Variants in SETBP1 observed in about 807,000 individuals in gnomAD.
SETBP1 encodes the protein SET-binding protein.
Under a neutral mutation model 101.0 loss-of-function variants are expected in SETBP1, and 9 were observed. That is an observed-to-expected ratio of 0.09 (90% CI 0.05 to 0.16). The LOEUF (loss-of-function observed/expected upper bound fraction) is 0.16, where lower values mean the gene tolerates loss of function less well. Ranked by LOEUF, SETBP1 falls within the 10% of genes least tolerant of loss-of-function variation. The probability of loss-of-function intolerance (pLI) is 1.00; values close to 1 mark genes in which losing one functional copy is unlikely to be tolerated. For synonymous variants in SETBP1, 818 were observed against 788.5 expected, an observed-to-expected ratio of 1.04 and a Z score of -0.63; for missense variants, 1,858 against 2,033.8, an observed-to-expected ratio of 0.91 and a Z score of 1.66.
intron 2 of SETBP1, among the ~76,000 whole-genome samples, chr18:44,863,674 T>A (rs1031721767): frequency 4.6e-5 from 7 of 152,186 alleles, no homozygotes; most frequent in African/African-American, 1.7e-4. Context: ...GGAGGCTTAC[T>A]TAACAAAAGG....
intron 2 of SETBP1, among the ~76,000 whole-genome samples, chr18:44,755,406 C>A (rs925825313): frequency 6.6e-6 from 1 of 151,884 alleles, no homozygotes; most frequent in Non-Finnish European, 1.5e-5. Context: ...TAGCTGGGAG[C>A]GGGCTAGGAC....
chr18:44,792,437 G>C (rs887115442), intron 2 of SETBP1, among the ~76,000 whole-genome samples: 4 of 152,210 alleles, frequency 2.6e-5, no homozygotes, highest in African/African-American at 9.6e-5. Flanking sequence ...AATGAAGTCA[G>C]AGCCGTGCCT....
At chr18:44,853,993 T>C (rs891339791) in intron 2 of SETBP1, among the ~76,000 whole-genome samples, 1 of 152,188 alleles carries the variant, frequency 6.6e-6, no homozygotes, top group African/African-American at 2.4e-5. Context: ...CATTAATTCT[T>C]TTGTCCTACC....
intron 2 of SETBP1, among the ~76,000 whole-genome samples, chr18:44,845,432 C>A (rs1303856809): frequency 6.6e-6 from 1 of 152,202 alleles, no homozygotes; most frequent in Non-Finnish European, 1.5e-5. Context: ...TACATGGTGC[C>A]AGAGAGCTGA....
chr18:44,711,494 T>C (rs2069342273), intron 2 of SETBP1, among the ~76,000 whole-genome samples: 1 of 142,756 alleles, frequency 7.0e-6, no homozygotes, highest in African/African-American at 2.6e-5. Flanking sequence ...CCTCCCTCCT[T>C]CCCTCTCTCC....
chr18:45,009,784 T>G (rs767847181), intron 4 of SETBP1, among the ~76,000 whole-genome samples: 9 of 152,192 alleles, frequency 5.9e-5, no homozygotes, highest in Non-Finnish European at 1.0e-4. Context: ...CCTGCATTGT[T>G]GCATACCATG....
chr18:44,701,046 G>C, intron 1 of SETBP1, 129 bp from the exon 2 acceptor site: 1 of 287,498 alleles, frequency 3.5e-6, no homozygotes, highest in Non-Finnish European at 6.5e-6. Flanking sequence ...ATTCTGGTTA[G>C]CTGTTTTTCC....
chr18:44,835,621 A>G (rs1030368272), intron 2 of SETBP1, among the ~76,000 whole-genome samples: 2 of 152,176 alleles, frequency 1.3e-5, no homozygotes, highest in Non-Finnish European at 2.9e-5. Context: ...ACGTCTAAGA[A>G]TCTCATTTTA....
intron 4 of SETBP1, among the ~76,000 whole-genome samples, chr18:44,982,957 G>A (rs1204400174): frequency 1.3e-5 from 2 of 152,146 alleles, no homozygotes; most frequent in Non-Finnish European, 2.9e-5. Flanking sequence ...ACAAGGTCAT[G>A]GGATGCTTAA....
chr18:44,880,970 A>G (rs1411392147), intron 3 of SETBP1, among the ~76,000 whole-genome samples: 5 of 152,230 alleles, frequency 3.3e-5, no homozygotes, highest in Admixed American at 1.3e-4. Flanking sequence ...ATGCTCAATC[A>G]ATATTTGTGG....
chr18:45,015,504 C>G (rs979273658), intron 4 of SETBP1, among the ~76,000 whole-genome samples: 1 of 152,320 alleles, frequency 6.6e-6, no homozygotes, highest in East Asian at 1.9e-4. Flanking sequence ...AACAGACATG[C>G]ACCTGCCTTT....
chr18:44,963,502 T>G (rs1313956658), intron 4 of SETBP1, among the ~76,000 whole-genome samples: 1 of 152,172 alleles, frequency 6.6e-6, no homozygotes, highest in Non-Finnish European at 1.5e-5. Flanking sequence ...TACAAAACAC[T>G]AAAACTAACA....
At chr18:45,013,434 CT>C (rs1555645153) in intron 4 of SETBP1, among the ~76,000 whole-genome samples, 3 of 150,398 alleles carry the variant, frequency 2.0e-5, no homozygotes, top group African/African-American at 7.4e-5. Context: ...TTCTTTCTTT[CT>C]TTTTTTTTGT....
intron 4 of SETBP1, among the ~76,000 whole-genome samples, chr18:45,009,510 T>C (rs2072795062): frequency 6.6e-6 from 1 of 152,008 alleles, no homozygotes; most frequent in Admixed American, 6.6e-5. Context: ...GGGATTTTTT[T>C]TCACTTTTGT....
chr18:45,038,746 G>A, intron 5 of SETBP1, 91 bp downstream of exon 5: 2 of 1,407,864 alleles, frequency 1.4e-6, no homozygotes, highest in African/African-American at 1.4e-5. Flanking sequence ...ACAGGTAAGA[G>A]TTCTCTGTTT....
At chr18:44,774,723 C>A (rs530056974) in intron 2 of SETBP1, among the ~76,000 whole-genome samples, 1 of 152,034 alleles carries the variant, frequency 6.6e-6, no homozygotes, top group African/African-American at 2.4e-5. Context: ...AACCTCAGCC[C>A]GAAAATAGTT....
intron 4 of SETBP1, among the ~76,000 whole-genome samples, chr18:45,017,973 T>G (rs2072982611): frequency 6.6e-6 from 1 of 152,192 alleles, no homozygotes; most frequent in Non-Finnish European, 1.5e-5. Flanking sequence ...AGGTCTGAGT[T>G]GGGACAGTGT....
intron 5 of SETBP1, among the ~76,000 whole-genome samples, chr18:45,044,405 G>C (rs924503336): frequency 1.3e-5 from 2 of 152,150 alleles, no homozygotes; most frequent in Non-Finnish European, 2.9e-5. Flanking sequence ...GCTGAATATG[G>C]CACGTGCATG....
intron 2 of SETBP1, among the ~76,000 whole-genome samples, chr18:44,813,365 T>G (rs2071905433): frequency 6.6e-6 from 1 of 152,084 alleles, no homozygotes; most frequent in Non-Finnish European, 1.5e-5. Flanking sequence ...TAAAGGAAAC[T>G]CTTCTTCATG....
Sources: allele counts gnomAD v4.1 joint callset (sites outside exome capture counted in the v4.1 genomes callset), GRCh38; gene constraint gnomAD v4.1.1; transcripts MANE v1.5; gene names NCBI Gene and HGNC (gene_info 2026-07-23, HGNC 2026-07-21).